GRIK1: variants seen among roughly 807,000 people sequenced by gnomAD.
GRIK1 encodes the protein glutamate receptor ionotropic, kainate 1.
In GRIK1, 69 loss-of-function variants were observed where a neutral mutation model predicts 105.7. That is an observed-to-expected ratio of 0.65 (90% CI 0.54 to 0.80). GRIK1 has a LOEUF of 0.80. GRIK1 is among the 30% of genes least tolerant of loss of function. The pLI, the probability that GRIK1 is intolerant of heterozygous loss-of-function variation, is 0.00. For missense variants in GRIK1, 1,109 were observed against 1,167.3 expected (o/e 0.95, Z 0.73); for synonymous variants, 438 against 431.3 (o/e 1.02, Z -0.19).
chr21:29,598,606 C>G (rs960831485), intron 8 of GRIK1, among the ~76,000 whole-genome samples: 1 of 152,048 alleles, frequency 6.6e-6, no homozygotes, highest in Admixed American at 6.5e-5. Context: ...AAATGAAGCA[C>G]AATAGAAACA....
At chr21:29,712,267 A>T (rs1022313892) in intron 1 of GRIK1, among the ~76,000 whole-genome samples, 5 of 152,216 alleles carry the variant, frequency 3.3e-5, no homozygotes, top group African/African-American at 1.2e-4. Flanking sequence ...ACAAAAGTTT[A>T]TTTAGGTAAC....
intron 14 of GRIK1, among the ~76,000 whole-genome samples, chr21:29,576,142 A>T (rs1344459848): frequency 6.6e-6 from 1 of 152,134 alleles, no homozygotes; most frequent in Non-Finnish European, 1.5e-5. Flanking sequence ...TTTCATAAGT[A>T]GAGTGAAGAG....
intron 7 of GRIK1, among the ~76,000 whole-genome samples, chr21:29,624,198 T>C (rs1206896469): frequency 2.0e-5 from 3 of 152,220 alleles, no homozygotes; most frequent in Non-Finnish European, 4.4e-5. Context: ...CATGTATTGA[T>C]GCAGAAAAAT....
intron 1 of GRIK1, among the ~76,000 whole-genome samples, chr21:29,868,511 C>G (rs1158422232): frequency 6.6e-6 from 1 of 151,158 alleles, no homozygotes; most frequent in African/African-American, 2.4e-5. Context: ...TTTTTCTCTC[C>G]CTTCATCACC....
chr21:29,694,285 G>A (rs926126278), intron 1 of GRIK1, among the ~76,000 whole-genome samples: 5 of 151,846 alleles, frequency 3.3e-5, no homozygotes, highest in Admixed American at 2.0e-4. Context: ...TACCATGCCC[G>A]GCTAATTATT....
chr21:29,651,058 A>G (rs769200087), intron 6 of GRIK1, 60 bp downstream of exon 6: 10 of 1,267,282 alleles, frequency 7.9e-6, no homozygotes, highest in Admixed American at 4.1e-5. Context: ...GATACGTGAG[A>G]TCTTAACCCC....
At chr21:29,614,352 G>A (rs1225417583) in intron 7 of GRIK1, among the ~76,000 whole-genome samples, 3 of 147,588 alleles carry the variant, frequency 2.0e-5, no homozygotes, top group African/African-American at 7.4e-5. Flanking sequence ...TTCTTCATAA[G>A]AGCACTTTCC....
At chr21:29,636,931 C>T (rs990529392) in intron 7 of GRIK1, among the ~76,000 whole-genome samples, 10 of 152,150 alleles carry the variant, frequency 6.6e-5, no homozygotes, top group Non-Finnish European at 8.8e-5. Flanking sequence ...ACTGCTTCCA[C>T]ATAGGATCAC....
At chr21:29,568,487 C>T (rs2090663175) in intron 14 of GRIK1, among the ~76,000 whole-genome samples, 1 of 152,164 alleles carries the variant, frequency 6.6e-6, no homozygotes, top group Non-Finnish European at 1.5e-5. Flanking sequence ...CCCTTGTTCC[C>T]ACAGCTGGTC....
At chr21:29,591,277 C>A (rs1181399505) in intron 9 of GRIK1, 52 bp from the exon 10 acceptor site, 1 of 1,047,122 alleles carries the variant, frequency 9.5e-7, no homozygotes, top group Admixed American at 1.7e-5. Flanking sequence ...GTGGCATTTA[C>A]ACCAAAGAGA....
chr21:29,900,655 A>G (rs2070365453), intron 1 of GRIK1, among the ~76,000 whole-genome samples: 1 of 152,152 alleles, frequency 6.6e-6, no homozygotes. Context: ...TTAGAGACAT[A>G]CAAAGAGACT....
chr21:29,890,578 T>C (rs2146218208), intron 1 of GRIK1, among the ~76,000 whole-genome samples: 1 of 152,070 alleles, frequency 6.6e-6, no homozygotes, highest in Admixed American at 6.5e-5. Flanking sequence ...TCTGAAGATA[T>C]AATAACACAT....
intron 1 of GRIK1, among the ~76,000 whole-genome samples, chr21:29,814,220 G>A (rs2067091571): frequency 6.6e-6 from 1 of 151,274 alleles, no homozygotes; most frequent in African/African-American, 2.4e-5. Context: ...CAAAGTGCTG[G>A]GATTACAGCC....
chr21:29,547,027 C>T (rs1411177789), intron 16 of GRIK1, among the ~76,000 whole-genome samples: 1 of 152,222 alleles, frequency 6.6e-6, no homozygotes, highest in East Asian at 1.9e-4. Context: ...GAGGTCCAGT[C>T]TCATTTATCA....
chr21:29,588,141 A>T (rs1460009120), intron 11 of GRIK1, among the ~76,000 whole-genome samples: 1 of 151,172 alleles, frequency 6.6e-6, no homozygotes, highest in Non-Finnish European at 1.5e-5. Flanking sequence ...CGCCTGGCTA[A>T]TTTTTTGTAT....
At chr21:29,939,348 A>T in intron 1 of GRIK1, 35 bp downstream of exon 1, 1 of 1,249,822 alleles carries the variant, frequency 8.0e-7, no homozygotes, top group African/African-American at 1.5e-5. Flanking sequence ...GCGACCGACC[A>T]CGTCTCCCGA....
At chr21:29,757,511 T>C (rs139753178) in intron 1 of GRIK1, among the ~76,000 whole-genome samples, 1 of 152,354 alleles carries the variant, frequency 6.6e-6, no homozygotes, top group Non-Finnish European at 1.5e-5. Context: ...TTCCTATATA[T>C]AGAAAATTTG....
chr21:29,705,263 G>A (rs899754400), intron 1 of GRIK1, among the ~76,000 whole-genome samples: 19 of 152,238 alleles, frequency 1.2e-4, no homozygotes, highest in African/African-American at 4.3e-4. Context: ...ACCGATGTGT[G>A]TGCGTATATG....
intron 1 of GRIK1, among the ~76,000 whole-genome samples, chr21:29,866,597 G>C (rs961926442): frequency 6.6e-6 from 1 of 152,100 alleles, no homozygotes; most frequent in Admixed American, 6.5e-5. Flanking sequence ...GTAAAGATGG[G>C]GGACTTTTGG....
Sources: allele counts gnomAD v4.1 joint callset (sites outside exome capture counted in the v4.1 genomes callset), GRCh38; gene constraint gnomAD v4.1.1; transcripts MANE v1.5; gene names NCBI Gene and HGNC (gene_info 2026-07-23, HGNC 2026-07-21).